DNAH7: variants seen among roughly 807,000 people sequenced by gnomAD.
The protein encoded by DNAH7 is axonemal beta dynein heavy chain 7.
DNAH7 carries 397 observed loss-of-function variants against 444.6 expected under a neutral mutation model. The ratio of observed to expected loss-of-function variants is 0.89; its 90% CI spans 0.82 to 0.97. DNAH7 has a LOEUF of 0.97. Ranked by LOEUF, DNAH7 falls within the 50% of genes least tolerant of loss-of-function variation. The pLI, the probability that DNAH7 is intolerant of heterozygous loss-of-function variation, is 0.00. For synonymous variants in DNAH7, 1,636 were observed against 1,624.4 expected (o/e 1.01, Z -0.17); for missense variants, 4,902 against 4,800.8 (o/e 1.02, Z -0.62).
At chr2:195,836,444 C>A (rs1414034658) in intron 47 of DNAH7, among the ~76,000 whole-genome samples, 8 of 151,476 alleles carry the variant, frequency 5.3e-5, no homozygotes, top group African/African-American at 1.9e-4. Flanking sequence ...TTGCAGTGAG[C>A]TGGGATTGTG....
At chr2:195,786,508 T>G (rs760699251) in intron 58 of DNAH7, among the ~76,000 whole-genome samples, 4 of 152,076 alleles carry the variant, frequency 2.6e-5, no homozygotes, top group Non-Finnish European at 4.4e-5. Flanking sequence ...TGTGACAACA[T>G]TAGGCTGTTC....
rs1039545419 is a variant in DNAH7, at chr2:196,051,186, C to T, written c.141+1G>A. 1 of 1,612,984 alleles carries T rather than the reference C, an allele frequency of 6.2e-7. No homozygotes were observed. The highest frequency in any genetic ancestry group is 1.3e-5 in the African/African-American group (1 of 75,016). ...AATGAGAATATATTTGGATAAGTTA[C>T]CATAGACAGCTGTGGTAAAGCTCTT... On this transcript the variant is annotated splice_donor_variant, in intron 3 of 64. Coordinates refer to ENST00000312428, the MANE Select transcript of DNAH7 (RefSeq NM_018897.3). LOFTEE classifies it high-confidence loss of function.
At chr2:196,003,168 A>G (rs1221521069) in intron 10 of DNAH7, among the ~76,000 whole-genome samples, 3 of 151,980 alleles carry the variant, frequency 2.0e-5, no homozygotes, top group Non-Finnish European at 4.4e-5. Context: ...TCACCAAAAA[A>G]AAAAAAAAGA....
intron 54 of DNAH7, among the ~76,000 whole-genome samples, chr2:195,801,475 C>T (rs1012976318): frequency 1.3e-5 from 2 of 152,034 alleles, no homozygotes; most frequent in South Asian, 2.1e-4. Context: ...AAGAGAACAG[C>T]GATATCTCAA....
chr2:195,749,546 A>G lies in DNAH7; in HGVS notation c.11764+4791T>C, dbSNP rs563210938. ...ACACATGCACACATATGTTTATTGC[A>G]GCACTATTCACAATAGCAAAGACTT... is the stretch of plus-strand genomic sequence containing the variant. On this transcript the variant is annotated intron_variant, in intron 63 of 64. Transcript: ENST00000312428. 3.8e-3 allele frequency among the ~76,000 whole-genome samples: 581 copies of G among 152,136 alleles called. 3 individuals carry two copies. The highest frequency in any genetic ancestry group is 0.014 in the Middle Eastern group (4 of 294).
intron 12 of DNAH7, among the ~76,000 whole-genome samples, chr2:195,999,970 G>A: frequency 6.6e-6 from 1 of 152,138 alleles, no homozygotes; most frequent in Non-Finnish European, 1.5e-5. Flanking sequence ...GCTAGAAGGT[G>A]GAGAGATAAG....
intron 49 of DNAH7, among the ~76,000 whole-genome samples, chr2:195,819,600 T>C (rs961937773): frequency 3.3e-5 from 5 of 152,126 alleles, no homozygotes; most frequent in Non-Finnish European, 5.9e-5. Flanking sequence ...AGTTTTCATC[T>C]AGTTGAGCAA....
At chr2:195,938,484 T>C (rs1240878283) in intron 19 of DNAH7, among the ~76,000 whole-genome samples, 1 of 151,498 alleles carries the variant, frequency 6.6e-6, no homozygotes, top group Non-Finnish European at 1.5e-5. Flanking sequence ...ATGCCTGTAT[T>C]TGTTTGGGGA....
chr2:195,754,845 A>G (rs1693995653), intron 62 of DNAH7, among the ~76,000 whole-genome samples: 1 of 152,328 alleles, frequency 6.6e-6, no homozygotes, highest in African/African-American at 2.4e-5. Flanking sequence ...ACACTACTTA[A>G]TAAAATGTAT....
rs1687060786 is a variant in DNAH7, at chr2:195,906,901, C to T, written c.4207+6G>A. The T allele has an allele frequency of 3.7e-6, 6 of 1,611,788 alleles. No homozygotes were observed. The East Asian group carries it at 1.3e-4, about 36-fold the overall frequency. ...CACATAATGCAAAGACAAACTAGTC[C>T]ATTACCTCTTTGGATAGTAAGGATT... On this transcript the variant is annotated splice_donor_region_variant and intron_variant, in intron 26 of 64. Transcript: ENST00000312428.
chr2:195,840,129 C>T (rs540017357), intron 47 of DNAH7, among the ~76,000 whole-genome samples: 3 of 151,520 alleles, frequency 2.0e-5, no homozygotes, highest in Admixed American at 2.0e-4. Flanking sequence ...CAAATCGAAT[C>T]CAAAAATATA....
intron 47 of DNAH7, among the ~76,000 whole-genome samples, chr2:195,840,356 T>C (rs1215735380): frequency 6.6e-6 from 1 of 151,654 alleles, no homozygotes; most frequent in East Asian, 1.9e-4. Flanking sequence ...GGGAGTCTCT[T>C]TCACATGATA....
chr2:195,843,421 CTAAA>C (rs1036285448), intron 47 of DNAH7, among the ~76,000 whole-genome samples: 3 of 152,074 alleles, frequency 2.0e-5, no homozygotes, highest in Admixed American at 2.0e-4. Context: ...GATTTTTTCT[CTAAA>C]TAAATAAAAT....
chr2:195,905,813 T>G (rs1686980233), intron 27 of DNAH7: 1 of 152,200 alleles, frequency 6.6e-6, no homozygotes, highest in South Asian at 2.1e-4. Flanking sequence ...TGGGTGTCAA[T>G]GAAAATTGAG....
rs916752920 is a variant in DNAH7, at chr2:195,777,875, G to A, written c.10989C>T (p.Phe3663=). ...CTGAATTTTCAACTAATTCGGGATT[G>A]AAGAATTTGTTTAGAATGCTGCGCA... ...RTLRSILNKF[F]NPELVENSDY... is the part of the protein sequence containing the mutation. The change falls in exon 59 of 65, where the codon TTC becomes TTT. Residue 3663 remains phenylalanine (F), a synonymous_variant. Coordinates refer to ENST00000312428, the MANE Select transcript of DNAH7 (RefSeq NM_018897.3). The A allele has an allele frequency of 3.1e-6, 5 of 1,614,072 alleles. No homozygotes were observed. The highest frequency in any genetic ancestry group is 3.3e-5 in the Admixed American group (2 of 60,008).
At chr2:195,966,589 C>G (rs985749666) in intron 17 of DNAH7, among the ~76,000 whole-genome samples, 1 of 152,118 alleles carries the variant, frequency 6.6e-6, no homozygotes, top group Non-Finnish European at 1.5e-5. Context: ...CTATTTCTCT[C>G]TTTAGCTCTA....
chr2:195,980,008 G>A (rs1056302720), intron 15 of DNAH7, among the ~76,000 whole-genome samples: 30 of 134,634 alleles, frequency 2.2e-4, no homozygotes, highest in Admixed American at 2.1e-3. Context: ...AAAAGCCCAC[G>A]ACCTGATGGC....
At chr2:196,028,189 C>A (rs1025298725) in intron 5 of DNAH7, 142 bp from the exon 6 acceptor site, 2 of 639,180 alleles carry the variant, frequency 3.1e-6, no homozygotes, top group Admixed American at 6.5e-5. Flanking sequence ...ACAGCATACA[C>A]ATTTGTTTGG....
Position 196,058,038 on chromosome 2 carries a change from T to C in DNAH7, c.78+16A>G. On this transcript the variant is annotated intron_variant, in intron 2 of 64. Coordinates refer to ENST00000312428, the MANE Select transcript of DNAH7 (RefSeq NM_018897.3). ...ATCATAAAGGAATGAAGTATGATGG[T>C]ATATTGGTAAATTACCATAGACAGC... 1 of 1,492,886 alleles carries C rather than the reference T, an allele frequency of 6.7e-7. No individual in the cohort carries two copies. Among genetic ancestry groups the C allele is most frequent in the African/African-American group, 1.4e-5 (1 of 71,204 alleles). The allele number at this position is 1,492,886 out of a possible 1,614,324, so 92.5% of individuals were successfully genotyped here.
Sources: allele counts gnomAD v4.1 joint callset (sites outside exome capture counted in the v4.1 genomes callset), GRCh38; gene constraint gnomAD v4.1.1; transcripts MANE v1.5; gene names NCBI Gene and HGNC (gene_info 2026-07-23, HGNC 2026-07-21).